The following CSTPP1 variants were observed in gnomAD, a reference collection of about 807,000 sequenced individuals.
The protein encoded by CSTPP1 is centriolar satellite-associated tubulin polyglutamylase complex regulator 1.
the CSTPP1 span, chr11:47,164,317 G>T: frequency 2.7e-5 from 40 of 1,504,978 alleles, no homozygotes; most frequent in African/African-American, 4.9e-4. Flanking sequence ...CAGACCAACA[G>T]GGAGCCAGGC....
chr11:46,944,734 A>G, the CSTPP1 span, among the ~76,000 whole-genome samples: 3 of 152,288 alleles, frequency 2.0e-5, no homozygotes, highest in South Asian at 6.2e-4. Flanking sequence ...TCCCTCCTAA[A>G]GGAGGGATAA....
chr11:46,936,712 T>G, the CSTPP1 span: 1 of 1,558,762 alleles, frequency 6.4e-7, no homozygotes, highest in Non-Finnish European at 8.7e-7. Flanking sequence ...CCCGTCCCCC[T>G]TCCGCCGCGT....
chr11:47,108,176 A>T, the CSTPP1 span, among the ~76,000 whole-genome samples: 1 of 152,202 alleles, frequency 6.6e-6, no homozygotes, highest in Non-Finnish European at 1.5e-5. Flanking sequence ...TAATTACCAC[A>T]ACTAGAGGCC....
At chr11:46,937,566 C>CATTTT in the CSTPP1 span, among the ~76,000 whole-genome samples, 1 of 152,214 alleles carries the variant, frequency 6.6e-6, no homozygotes, top group Non-Finnish European at 1.5e-5. Flanking sequence ...ACACAATACA[C>CATTTT]ATTTTATTTT....
At chr11:47,106,013 C>A in the CSTPP1 span, among the ~76,000 whole-genome samples, 1 of 152,210 alleles carries the variant, frequency 6.6e-6, no homozygotes, top group East Asian at 1.9e-4. Flanking sequence ...AGGGATTAGG[C>A]TTTGAGAATA....
At chr11:47,158,778 C>T in the CSTPP1 span, among the ~76,000 whole-genome samples, 3 of 152,258 alleles carry the variant, frequency 2.0e-5, no homozygotes, top group Admixed American at 6.5e-5. Context: ...CAAGGGATCC[C>T]CTCACCTTGC....
At chr11:46,938,777 C>CTT in the CSTPP1 span, among the ~76,000 whole-genome samples, 5 of 89,664 alleles carry the variant, frequency 5.6e-5, no homozygotes, top group South Asian at 4.5e-4. Flanking sequence ...TTTTTTTCTT[C>CTT]TTCTTTTTTT....
chr11:47,077,658 G>C, the CSTPP1 span, among the ~76,000 whole-genome samples: 59 of 152,276 alleles, frequency 3.9e-4, no homozygotes, highest in African/African-American at 1.3e-3. Context: ...ACACAGGAGA[G>C]AAAGAAAGAG....
At chr11:47,029,886 C>G in the CSTPP1 span, among the ~76,000 whole-genome samples, 1 of 150,136 alleles carries the variant, frequency 6.7e-6, no homozygotes, top group East Asian at 2.0e-4. Flanking sequence ...TCGCTTGAGC[C>G]CAGGAGTTCA....
the CSTPP1 span, among the ~76,000 whole-genome samples, chr11:47,064,084 G>A: frequency 6.6e-6 from 1 of 152,172 alleles, no homozygotes; most frequent in Admixed American, 6.5e-5. Context: ...AAATGATGTT[G>A]AGTGTCTTTT....
At chr11:47,050,139 A>G in the CSTPP1 span, among the ~76,000 whole-genome samples, 1 of 152,198 alleles carries the variant, frequency 6.6e-6, no homozygotes, top group Non-Finnish European at 1.5e-5. Context: ...ATACCAATCA[A>G]AATAAAGCTG....
At chr11:47,036,765 C>A in the CSTPP1 span, among the ~76,000 whole-genome samples, 1 of 127,632 alleles carries the variant, frequency 7.8e-6, no homozygotes, top group Non-Finnish European at 1.9e-5. Flanking sequence ...GCAACCTCTG[C>A]CTCCCGGGTT....
At chr11:47,045,333 G>A in the CSTPP1 span, among the ~76,000 whole-genome samples, 1 of 151,756 alleles carries the variant, frequency 6.6e-6, no homozygotes, top group African/African-American at 2.4e-5. Flanking sequence ...TTCAAAAAAA[G>A]CTTTGAAAAC....
chr11:47,148,993 G>C, the CSTPP1 span, among the ~76,000 whole-genome samples: 1 of 152,232 alleles, frequency 6.6e-6, no homozygotes, highest in East Asian at 1.9e-4. Context: ...GTTCAGGCTG[G>C]AAGCTGTTGC....
the CSTPP1 span, among the ~76,000 whole-genome samples, chr11:47,022,587 C>T: frequency 6.6e-6 from 1 of 151,930 alleles, no homozygotes; most frequent in African/African-American, 2.4e-5. Context: ...CCAGGCTGGT[C>T]TCAAACTCCT....
chr11:47,087,913 G>C, the CSTPP1 span, among the ~76,000 whole-genome samples: 2 of 152,136 alleles, frequency 1.3e-5, no homozygotes, highest in Non-Finnish European at 2.9e-5. Context: ...GATTGGGACT[G>C]CAGTCATCTA....
At chr11:47,013,300 T>C in the CSTPP1 span, among the ~76,000 whole-genome samples, 5 of 151,964 alleles carry the variant, frequency 3.3e-5, no homozygotes, top group African/African-American at 1.2e-4. Context: ...GTTTGTTACA[T>C]AGATAAACAT....
the CSTPP1 span, among the ~76,000 whole-genome samples, chr11:46,982,129 TA>T: frequency 2.5e-3 from 377 of 152,062 alleles, 1 homozygote; most frequent in African/African-American, 8.2e-3. Context: ...CTTTTTTTTT[TA>T]AATCTCAGAG....
At chr11:47,155,687 T>C in the CSTPP1 span, 2 of 193,014 alleles carry the variant, frequency 1.0e-5, no homozygotes, top group Non-Finnish European at 2.2e-5. Context: ...ATGCAGCTCA[T>C]AAGTGGTGGA....
Sources: allele counts gnomAD v4.1 joint callset (sites outside exome capture counted in the v4.1 genomes callset), GRCh38; gene constraint gnomAD v4.1.1; transcripts MANE v1.5; gene names NCBI Gene and HGNC (gene_info 2026-07-23, HGNC 2026-07-21).